The following GSE1 variants were observed in gnomAD, a reference collection of about 807,000 sequenced individuals.
GSE1 encodes the protein genetic suppressor element 1.
Under a neutral mutation model 112.6 loss-of-function variants are expected in GSE1, and 32 were observed. The ratio of observed to expected loss-of-function variants is 0.28; its 90% CI spans 0.21 to 0.38. The LOEUF is 0.38. Among genes scored for constraint, GSE1 ranks in the 10% least tolerant of loss-of-function variants. GSE1 has a pLI of 1.00. For synonymous variants in GSE1, 1,115 were observed against 735.6 expected (o/e 1.52, Z -8.35); for missense variants, 2,348 against 1,699.2 (o/e 1.38, Z -6.71).
intron 1 of GSE1, among the ~76,000 whole-genome samples, chr16:85,225,521 C>T (rs2034050611): frequency 1.3e-5 from 2 of 152,166 alleles, no homozygotes; most frequent in African/African-American, 4.8e-5. Context: ...GAAGGGTCCC[C>T]AGGGAGGTGC....
chr16:85,611,405 A>C (rs929101982), upstream of GSE1: 4 of 939,464 alleles, frequency 4.3e-6, no homozygotes, highest in Admixed American at 6.3e-5. Context: ...CGCGCGGCCG[A>C]GCCACCGTGT....
intron 1 of GSE1, among the ~76,000 whole-genome samples, chr16:85,260,174 C>T (rs1287587953): frequency 2.6e-5 from 4 of 152,196 alleles, no homozygotes; most frequent in Admixed American, 6.5e-5. Flanking sequence ...GGGCTCACGG[C>T]AGCCCACTGC....
chr16:85,554,331 G>A (rs553587114), upstream of GSE1, among the ~76,000 whole-genome samples: 1 of 152,096 alleles, frequency 6.6e-6, no homozygotes, highest in Admixed American at 6.5e-5. Flanking sequence ...GGGGAGGAGA[G>A]ATACAGGCTC....
chr16:85,452,889 G>GCA (rs1455243751), intron 2 of GSE1, among the ~76,000 whole-genome samples: 1 of 151,968 alleles, frequency 6.6e-6, no homozygotes, highest in Non-Finnish European at 1.5e-5. Flanking sequence ...TGCAGTGCTG[G>GCA]GTGGGGGACT....
At chr16:85,479,716 G>T (rs892246556) in intron 2 of GSE1, among the ~76,000 whole-genome samples, 2 of 152,282 alleles carry the variant, frequency 1.3e-5, no homozygotes, top group Non-Finnish European at 2.9e-5. Flanking sequence ...GACACTGAGC[G>T]CAGCGAGGGG....
intron 1 of GSE1, among the ~76,000 whole-genome samples, chr16:85,174,926 G>A (rs894635442): frequency 1.3e-5 from 2 of 152,090 alleles, no homozygotes; most frequent in East Asian, 1.9e-4. Context: ...TCTGTCTTTT[G>A]GGGGGTGGTT....
At chr16:85,345,910 G>T (rs1054477203) in intron 1 of GSE1, among the ~76,000 whole-genome samples, 1 of 152,152 alleles carries the variant, frequency 6.6e-6, no homozygotes, top group African/African-American at 2.4e-5. Flanking sequence ...TATGTGGATG[G>T]GTGGATGGAT....
At chr16:85,244,399 C>G (rs752714861) in intron 1 of GSE1, among the ~76,000 whole-genome samples, 15 of 152,222 alleles carry the variant, frequency 9.9e-5, no homozygotes, top group Non-Finnish European at 2.1e-4. Flanking sequence ...GAGCACAGCC[C>G]TCCTGAGCCC....
At chr16:85,241,547 AGGGAGGGG>A (rs1905172687) in intron 1 of GSE1, among the ~76,000 whole-genome samples, 1 of 151,918 alleles carries the variant, frequency 6.6e-6, no homozygotes, top group Non-Finnish European at 1.5e-5. Context: ...CTCACACCGC[AGGGAGGGG>A]GCCTTGGTGA....
At chr16:85,530,475 G>A (rs930433303) in intron 2 of GSE1, among the ~76,000 whole-genome samples, 1 of 152,184 alleles carries the variant, frequency 6.6e-6, no homozygotes, top group African/African-American at 2.4e-5. Context: ...AGCCAGCAGG[G>A]AGGGGTGGTG....
chr16:85,238,261 A>G (rs1468952589), intron 1 of GSE1, among the ~76,000 whole-genome samples: 1 of 150,670 alleles, frequency 6.6e-6, no homozygotes, highest in Admixed American at 6.6e-5. Context: ...ACATCCCCAG[A>G]CAGAGTCCCC....
At chr16:85,295,827 A>T in intron 1 of GSE1, among the ~76,000 whole-genome samples, 1 of 148,972 alleles carries the variant, frequency 6.7e-6, no homozygotes, top group Non-Finnish European at 1.5e-5. Flanking sequence ...CTGATCTGGA[A>T]CTCCTGGGCT....
chr16:85,187,480 A>G (rs1284075117), intron 1 of GSE1, among the ~76,000 whole-genome samples: 6 of 152,246 alleles, frequency 3.9e-5, no homozygotes, highest in Non-Finnish European at 7.3e-5. Flanking sequence ...TCCCGTGACG[A>G]AGCCCATTCT....
At chr16:85,645,839 TC>T (rs1373692363) in intron 2 of GSE1, among the ~76,000 whole-genome samples, 8 of 151,814 alleles carry the variant, frequency 5.3e-5, no homozygotes, top group Admixed American at 3.9e-4. Flanking sequence ...CTACCACGCT[TC>T]CTATGCATGC....
chr16:85,620,240 T>C (rs2048645842), intron 1 of GSE1, among the ~76,000 whole-genome samples: 1 of 152,184 alleles, frequency 6.6e-6, no homozygotes, highest in Non-Finnish European at 1.5e-5. Flanking sequence ...CAATGAGCTG[T>C]GATCGCACCA....
intron 2 of GSE1, among the ~76,000 whole-genome samples, chr16:85,463,725 CAGTT>C (rs2050044866): frequency 6.6e-6 from 1 of 152,160 alleles, no homozygotes; most frequent in African/African-American, 2.4e-5. Flanking sequence ...ATCACTGGCA[CAGTT>C]AGGCAGCGAG....
Position 85,469,028 on chromosome 16 carries a change from G to A in GSE1, c.2464+111385G>A, listed in dbSNP as rs148328626. ...CCAGCACTTTGGGAGGCCGAGGCAG[G>A]TGGATCACCTGAGGTCAGGAGTTCA... On this transcript the variant is annotated intron_variant, in intron 2 of 2. Coordinates refer to the GSE1 transcript ENST00000637419. 4.7e-3 allele frequency among the ~76,000 whole-genome samples: 710 copies of A among 152,308 alleles called. 6 individuals are homozygous for A. Among genetic ancestry groups the A allele is most frequent in the African/African-American group, 0.016 (680 of 41,572 alleles).
In GSE1 at chr16:85,373,448, C is replaced by A. The variant is rs1276623751; in HGVS notation, c.2464+15805C>A. Reference sequence around the variant, plus strand: ...AGCAGAGGAGGGGAGGGGACGAGAACCTCTCCCCCTCCGCTGCTTTCCAGC... The same window carrying A: ...AGCAGAGGAGGGGAGGGGACGAGAAACTCTCCCCCTCCGCTGCTTTCCAGC... On this transcript the variant is annotated intron_variant, in intron 2 of 2. Transcript: ENST00000637419. The surrounding 1 kb of genome is among the most constrained non-coding windows in gnomAD (Gnocchi z 5.1). Among the ~76,000 whole-genome samples, 2 of 151,794 alleles carry A rather than the reference C, an allele frequency of 1.3e-5. No homozygotes were observed. Among genetic ancestry groups the A allele is most frequent in the African/African-American group, 2.4e-5 (1 of 41,102 alleles).
chr16:85,455,926 C>T (rs750716666), intron 2 of GSE1, among the ~76,000 whole-genome samples: 4 of 152,242 alleles, frequency 2.6e-5, no homozygotes, highest in East Asian at 1.9e-4. Context: ...GGTCAGGCCC[C>T]GCTTTGTGTG....
Sources: allele counts gnomAD v4.1 joint callset (sites outside exome capture counted in the v4.1 genomes callset), GRCh38; gene constraint gnomAD v4.1.1; non-coding constraint Gnocchi (gnomAD v3.1); transcripts MANE v1.5; gene names NCBI Gene and HGNC (gene_info 2026-07-23, HGNC 2026-07-21).